NEGR1: variants seen among roughly 807,000 people sequenced by gnomAD.
NEGR1 encodes IgLON family member 4.
In NEGR1, 10 loss-of-function variants were observed where a neutral mutation model predicts 40.9. That is an observed-to-expected ratio of 0.24 (90% CI 0.15 to 0.42). The LOEUF is 0.42. Ranked by LOEUF, NEGR1 falls within the 10% of genes least tolerant of loss-of-function variation. NEGR1 has a pLI of 1.00. For missense variants in NEGR1, 352 were observed against 438.9 expected (o/e 0.80, Z 1.77); for synonymous variants, 185 against 166.8 (o/e 1.11, Z -0.84).
At chr1:72,186,082 T>TAATTTGTCAACCCTCA (rs1553148949) in intron 1 of NEGR1, among the ~76,000 whole-genome samples, 1 of 151,808 alleles carries the variant, frequency 6.6e-6, no homozygotes, top group Non-Finnish European at 1.5e-5. Context: ...ACTCATTCTG[T>TAATTTGTCAACCCTCA]AATTTGTCAA....
At chr1:71,716,324 T>C (rs1654275532) in intron 3 of NEGR1, among the ~76,000 whole-genome samples, 1 of 152,034 alleles carries the variant, frequency 6.6e-6, no homozygotes, top group African/African-American at 2.4e-5. Flanking sequence ...CCAAACCATA[T>C]CACCTATCTT....
At chr1:71,698,845 T>C (rs1177499634) in intron 3 of NEGR1, among the ~76,000 whole-genome samples, 1 of 151,912 alleles carries the variant, frequency 6.6e-6, no homozygotes, top group Non-Finnish European at 1.5e-5. Context: ...AATATAAAGA[T>C]GTAATAACAG....
chr1:72,046,081 G>A (rs926486742), intron 1 of NEGR1, among the ~76,000 whole-genome samples: 1 of 151,662 alleles, frequency 6.6e-6, no homozygotes, highest in African/African-American at 2.4e-5. Context: ...CCCAAAAAAG[G>A]AAGACTAATG....
intron 6 of NEGR1, among the ~76,000 whole-genome samples, chr1:71,558,717 T>A (rs983768292): frequency 8.1e-6 from 1 of 123,586 alleles, no homozygotes; most frequent in Non-Finnish European, 1.8e-5. Context: ...TCCTTTCTTT[T>A]CTTTCTTTTT....
intron 3 of NEGR1, among the ~76,000 whole-genome samples, chr1:71,746,017 G>C (rs1270206582): frequency 6.6e-6 from 1 of 152,114 alleles, no homozygotes; most frequent in Non-Finnish European, 1.5e-5. Flanking sequence ...CCTCAGTCTG[G>C]TTGCATTAGA....
At chr1:71,640,069 A>G (rs1651298350) in intron 4 of NEGR1, among the ~76,000 whole-genome samples, 1 of 152,066 alleles carries the variant, frequency 6.6e-6, no homozygotes, top group Non-Finnish European at 1.5e-5. Flanking sequence ...TTATGAGCCT[A>G]CTAAATGTTC....
chr1:72,019,387 G>T lies in NEGR1; in HGVS notation c.177-84076C>A, dbSNP rs149906787. Among the ~76,000 whole-genome samples the T allele has an allele frequency of 3.7e-3, 563 of 152,122 alleles. 3 individuals are homozygous for T. Among genetic ancestry groups the T allele is most frequent in the African/African-American group, 0.013 (543 of 41,490 alleles). ...TCTGAAGTCTAAAGAGTCTTTTCTT[G>T]GTTTACACTAGAAAATAGTGACAGA... On this transcript the variant is annotated intron_variant, in intron 1 of 6. Transcript: ENST00000357731.
chr1:71,811,666 T>C (rs1445863215), intron 2 of NEGR1, among the ~76,000 whole-genome samples: 2 of 150,906 alleles, frequency 1.3e-5, no homozygotes, highest in Non-Finnish European at 3.0e-5. Flanking sequence ...GTAAAGCAAC[T>C]AGAATATAAG....
At chr1:71,651,988 A>T (rs1321607400) in intron 4 of NEGR1, among the ~76,000 whole-genome samples, 2 of 152,160 alleles carry the variant, frequency 1.3e-5, no homozygotes, top group Non-Finnish European at 2.9e-5. Flanking sequence ...GTTTTATGCC[A>T]ACTCTTTTGC....
Position 71,861,803 on chromosome 1 carries a change from T to C in NEGR1, c.409+73276A>G, listed in dbSNP as rs144977418. 6.6e-5 allele frequency among the ~76,000 whole-genome samples: 10 copies of C among 152,244 alleles called. No homozygotes were observed. In the East Asian group the frequency reaches 1.9e-3, roughly 29 times the overall value. On this transcript the variant is annotated intron_variant, in intron 2 of 6. Transcript: ENST00000357731. Reference sequence around the variant, plus strand: ...GTAATTATCACTGTTTCCATTTTTCTTTTTAACCATTTAAGAGGTCTTACT... The same window carrying C: ...GTAATTATCACTGTTTCCATTTTTCCTTTTAACCATTTAAGAGGTCTTACT...
At chr1:72,142,883 AAATT>A (rs1278276776) in intron 1 of NEGR1, among the ~76,000 whole-genome samples, 2 of 151,938 alleles carry the variant, frequency 1.3e-5, no homozygotes, top group Admixed American at 6.6e-5. Flanking sequence ...TAATACATTC[AAATT>A]AATTGCATTA....
At chr1:71,802,356 G>T (rs1657593219) in intron 2 of NEGR1, among the ~76,000 whole-genome samples, 1 of 152,136 alleles carries the variant, frequency 6.6e-6, no homozygotes, top group African/African-American at 2.4e-5. Context: ...GATTTAATCA[G>T]CTATGTCTCC....
At chr1:72,049,211 T>C (rs1647033828) in intron 1 of NEGR1, among the ~76,000 whole-genome samples, 1 of 151,394 alleles carries the variant, frequency 6.6e-6, no homozygotes, top group African/African-American at 2.4e-5. Context: ...TGTAGTGACA[T>C]ACGCCTGTGG....
chr1:72,238,453 T>G (rs1178704577), intron 1 of NEGR1, among the ~76,000 whole-genome samples: 1 of 151,850 alleles, frequency 6.6e-6, no homozygotes, highest in Non-Finnish European at 1.5e-5. Context: ...GTGTTAGGCT[T>G]ATGACATTTT....
intron 6 of NEGR1, among the ~76,000 whole-genome samples, chr1:71,570,145 C>T (rs1648764406): frequency 1.3e-5 from 2 of 152,086 alleles, no homozygotes; most frequent in South Asian, 2.1e-4. Flanking sequence ...CAAGGGGAGT[C>T]CATGATTTAA....
intron 1 of NEGR1, among the ~76,000 whole-genome samples, chr1:72,114,941 A>T (rs1276057491): frequency 6.6e-6 from 1 of 151,762 alleles, no homozygotes; most frequent in East Asian, 1.9e-4. Flanking sequence ...AAAGTTGAGT[A>T]TTGTAACAAG....
At chr1:72,032,395 C>T (rs962302377) in intron 1 of NEGR1, among the ~76,000 whole-genome samples, 11 of 152,186 alleles carry the variant, frequency 7.2e-5, no homozygotes, top group Admixed American at 2.0e-4. Context: ...TTTAAAATTA[C>T]ACTTGAGCTG....
At chr1:71,559,828 A>T (rs1648383262) in intron 6 of NEGR1, among the ~76,000 whole-genome samples, 1 of 92,222 alleles carries the variant, frequency 1.1e-5, no homozygotes, top group South Asian at 3.3e-4. Flanking sequence ...CTACATTATC[A>T]TTCTGGTAAA....
At chr1:71,528,782 G>C (rs1183217377) in intron 6 of NEGR1, among the ~76,000 whole-genome samples, 1 of 151,152 alleles carries the variant, frequency 6.6e-6, no homozygotes, top group Non-Finnish European at 1.5e-5. Context: ...CTTGCTCAGT[G>C]ACCTTTGGTA....
Sources: allele counts gnomAD v4.1 joint callset (sites outside exome capture counted in the v4.1 genomes callset), GRCh38; gene constraint gnomAD v4.1.1; transcripts MANE v1.5; gene names NCBI Gene and HGNC (gene_info 2026-07-23, HGNC 2026-07-21).